The following RBPJ variants were observed in gnomAD, a reference collection of about 807,000 sequenced individuals.
RBPJ encodes recombination signal binding protein for immunoglobulin kappa J region.
A neutral mutation model predicts 67.8 loss-of-function variants in RBPJ; 9 were observed. The observed-to-expected ratio is 0.13, with a 90% CI of 0.08 to 0.23. The LOEUF (loss-of-function observed/expected upper bound fraction) is 0.23. RBPJ is among the 10% of genes least tolerant of loss of function. The probability of loss-of-function intolerance (pLI) is 1.00; values close to 1 mark genes in which losing one functional copy is unlikely to be tolerated. For synonymous variants in RBPJ, 198 were observed against 203.3 expected, an observed-to-expected ratio of 0.97 and a Z score of 0.22; for missense variants, 305 against 595.6, an observed-to-expected ratio of 0.51 and a Z score of 5.08.
At chr4:26,272,775 C>CA (rs532410740) in intron 1 of RBPJ, 176 of 443,836 alleles carry the variant, frequency 4.0e-4, no homozygotes, top group African/African-American at 3.0e-3. Context: ...GGTCTAACAC[C>CA]AGGAAGGGGG....
chr4:26,160,930 A>G (rs1716065818), upstream of RBPJ, among the ~76,000 whole-genome samples: 2 of 152,208 alleles, frequency 1.3e-5, no homozygotes, highest in Admixed American at 6.5e-5. Flanking sequence ...GTCTCCCACC[A>G]TGTTACATCA....
rs58403823 is a variant in RBPJ at position 26,335,918 on chromosome 4, C to T, written c.20+14870C>T. Among the ~76,000 whole-genome samples, 745 of 152,230 alleles carry T rather than the reference C, an allele frequency of 4.9e-3. 10 individuals are homozygous for T. Among genetic ancestry groups the T allele is most frequent in the African/African-American group, 0.017 (722 of 41,540 alleles). On this transcript the variant is annotated intron_variant, in intron 1 of 10. Transcript: ENST00000355476. ...GATTACAGGCATGAGCCACCACGCC[C>T]GGCAATGCTTACTTCTTTAGTCTGT...
rs73810223 is a variant in RBPJ at position 26,392,579 on chromosome 4, A to G, written c.59+6188A>G. 5.0e-3 allele frequency among the ~76,000 whole-genome samples: 762 copies of G among 152,356 alleles called. 10 individuals are homozygous for G. The highest frequency in any genetic ancestry group is 0.018 in the African/African-American group (740 of 41,590). On this transcript the variant is annotated intron_variant, in intron 2 of 10. Coordinates refer to ENST00000355476, the MANE Select transcript of RBPJ (RefSeq NM_015874.6). ...TATCAGGAAAAAAGAATACGTACTG[A>G]ATGATTCCACTTACATAGAATTATA...
chr4:26,296,958 G>A (rs570352174), intron 1 of RBPJ, among the ~76,000 whole-genome samples: 45 of 152,202 alleles, frequency 3.0e-4, no homozygotes, highest in Admixed American at 7.2e-4. Flanking sequence ...AACCCGTGTT[G>A]CATATCCTGT....
upstream of RBPJ, chr4:26,319,770 G>A (rs1722826147): frequency 1.8e-6 from 2 of 1,127,622 alleles, no homozygotes; most frequent in Non-Finnish European, 2.7e-6. Flanking sequence ...GCCTTCAACA[G>A]GTTTCGGGCG....
the RBPJ span, among the ~76,000 whole-genome samples, chr4:26,121,002 A>AGGG: frequency 6.7e-6 from 1 of 150,140 alleles, no homozygotes; most frequent in African/African-American, 2.5e-5. Context: ...AGAGAAGAGG[A>AGGG]AGAGGGAGAG....
At position 26,253,391 on chromosome 4, in the gene RBPJ, A is replaced by C. The variant is rs1423033389; in HGVS notation, c.-167+89777A>C. Among the ~76,000 whole-genome samples the C allele has an allele frequency of 3.6e-5, 5 of 138,418 alleles. No homozygotes were observed. In the East Asian group the frequency reaches 1.0e-3, roughly 28 times the overall value. The allele number at this position is 138,418 out of a possible 152,430, so 90.8% of individuals were successfully genotyped here. A position where few individuals can be genotyped will look rare whatever the true frequency, so the allele number is the denominator to read the frequency against. The stretch of plus-strand genomic sequence containing the variant: ...CAGTGGCGCAATCTCGGCTCACTGC[A>C]AGCTCCGCCTTCCGGGTTCACGCCA... On this transcript the variant is annotated intron_variant, in intron 1 of 4. Coordinates refer to the RBPJ transcript ENST00000512351.
chr4:26,143,818 C>T, the RBPJ span, among the ~76,000 whole-genome samples: 1 of 152,080 alleles, frequency 6.6e-6, no homozygotes, highest in African/African-American at 2.4e-5. Context: ...GTCTCAGATA[C>T]TCTGGGGGCT....
chr4:26,120,029 T>C, the RBPJ span, among the ~76,000 whole-genome samples: 1 of 152,232 alleles, frequency 6.6e-6, no homozygotes, highest in Non-Finnish European at 1.5e-5. Context: ...AAGAGAGTAG[T>C]TGGAAGAACT....
intron 1 of RBPJ, chr4:26,272,879 G>C: frequency 3.7e-6 from 1 of 269,600 alleles, no homozygotes; most frequent in South Asian, 3.6e-5. Flanking sequence ...GATTTGTGGT[G>C]TGAAACAGGG....
chr4:26,182,838 A>G (rs910933430), intron 1 of RBPJ, among the ~76,000 whole-genome samples: 2 of 152,124 alleles, frequency 1.3e-5, no homozygotes, highest in Admixed American at 1.3e-4. Flanking sequence ...ACACACACAC[A>G]TTAGCATAGG....
intron 1 of RBPJ, among the ~76,000 whole-genome samples, chr4:26,334,800 G>T (rs1258808554): frequency 1.3e-5 from 2 of 152,090 alleles, no homozygotes; most frequent in Non-Finnish European, 2.9e-5. Context: ...GTTATGTTAT[G>T]TCTTTATTCT....
At chr4:26,210,752 C>CTTCTTTCCTTCTTTCCTTCTTTCT (rs1553849171) in intron 1 of RBPJ, among the ~76,000 whole-genome samples, 1 of 47,336 alleles carries the variant, frequency 2.1e-5, no homozygotes, top group Non-Finnish European at 4.1e-5. Context: ...TCCTTCTTTC[C>CTTCTTTCCTTCTTTCCTTCTTTCT]TTCTTTCTTT....
At chr4:26,277,556 C>A (rs997205920) in intron 1 of RBPJ, among the ~76,000 whole-genome samples, 8 of 152,116 alleles carry the variant, frequency 5.3e-5, no homozygotes, top group Admixed American at 4.6e-4. Context: ...AAGTGCCAAC[C>A]CGGCCAAGCT....
upstream of RBPJ, among the ~76,000 whole-genome samples, chr4:26,316,479 A>C (rs1029837458): frequency 1.6e-5 from 2 of 122,480 alleles, no homozygotes; most frequent in Non-Finnish European, 3.4e-5. Context: ...ACATTCATAT[A>C]TACATATTCA....
At chr4:26,210,752 C>CTTTCT (rs11458584) in intron 1 of RBPJ, among the ~76,000 whole-genome samples, 520 of 47,324 alleles carry the variant, frequency 0.011, 9 homozygotes, top group Non-Finnish European at 0.013. Flanking sequence ...TCCTTCTTTC[C>CTTTCT]TTCTTTCTTT....
At chr4:26,317,975 A>G (rs182599023), upstream of RBPJ, among the ~76,000 whole-genome samples, 1 of 152,312 alleles carries the variant, frequency 6.6e-6, no homozygotes, top group East Asian at 1.9e-4. Context: ...CCTTCTTGGG[A>G]TGACAGCTCC....
chr4:26,316,568 C>T (rs1382565609), upstream of RBPJ, among the ~76,000 whole-genome samples: 83 of 15,734 alleles, frequency 5.3e-3, no homozygotes, highest in African/African-American at 0.023. Context: ...TATATATACA[C>T]ATTCATATAT....
At chr4:26,143,869 A>C in the RBPJ span, among the ~76,000 whole-genome samples, 1 of 152,206 alleles carries the variant, frequency 6.6e-6, no homozygotes, top group Admixed American at 6.5e-5. Flanking sequence ...AAGAAGTTGC[A>C]GTGAGCCAAG....
Sources: allele counts gnomAD v4.1 joint callset (sites outside exome capture counted in the v4.1 genomes callset), GRCh38; gene constraint gnomAD v4.1.1; transcripts MANE v1.5; gene names NCBI Gene and HGNC (gene_info 2026-07-23, HGNC 2026-07-21).